PRKAR1B: variants seen among roughly 807,000 people sequenced by gnomAD.
PRKAR1B encodes cAMP-dependent protein kinase type I-beta regulatory subunit.
In PRKAR1B, 22 loss-of-function variants were observed where a neutral mutation model predicts 46.5. The observed-to-expected ratio is 0.47, with a 90% CI of 0.34 to 0.68. The LOEUF (loss-of-function observed/expected upper bound fraction) is 0.68. PRKAR1B is among the 30% of genes least tolerant of loss of function. The probability of loss-of-function intolerance (pLI) is 0.01; values close to 1 mark genes in which losing one functional copy is unlikely to be tolerated. For synonymous variants in PRKAR1B, 259 were observed against 217.7 expected, an observed-to-expected ratio of 1.19 and a Z score of -1.67; for missense variants, 445 against 535.6, an observed-to-expected ratio of 0.83 and a Z score of 1.67.
chr7:697,501 C>A (rs190682486), intron 2 of PRKAR1B, among the ~76,000 whole-genome samples: 1 of 152,134 alleles, frequency 6.6e-6, no homozygotes, highest in East Asian at 1.9e-4. Context: ...CACTGCGTGC[C>A]GGGCAGGCAT....
intron 6 of PRKAR1B, among the ~76,000 whole-genome samples, chr7:601,921 C>T (rs897695074): frequency 2.2e-5 from 3 of 134,470 alleles, no homozygotes; most frequent in Non-Finnish European, 4.9e-5. Flanking sequence ...CAGGGGGAGG[C>T]GCAGGGACGG....
At chr7:698,007 A>G (rs1583435331) in intron 2 of PRKAR1B, among the ~76,000 whole-genome samples, 1 of 58,154 alleles carries the variant, frequency 1.7e-5, no homozygotes, top group Admixed American at 2.0e-4. Flanking sequence ...AGGGGAGGGG[A>G]GGGGAGGGAA....
intron 1 of PRKAR1B, among the ~76,000 whole-genome samples, chr7:721,462 A>T (rs1197292340): frequency 6.6e-6 from 1 of 152,206 alleles, no homozygotes; most frequent in Admixed American, 6.5e-5. Context: ...CAGCCTGACC[A>T]ACACGGAGAA....
intron 4 of PRKAR1B, among the ~76,000 whole-genome samples, chr7:626,831 C>A (rs1285689647): frequency 6.6e-6 from 1 of 152,070 alleles, no homozygotes; most frequent in East Asian, 1.9e-4. Flanking sequence ...CCGCCTCAGC[C>A]TCTCAAGTAG....
At chr7:722,393 C>T (rs1293458060) in intron 1 of PRKAR1B, among the ~76,000 whole-genome samples, 2 of 151,244 alleles carry the variant, frequency 1.3e-5, no homozygotes, top group Non-Finnish European at 1.5e-5. Context: ...TAAGCCACTG[C>T]ACCTGGCTAA....
At chr7:562,694 C>T (rs1291933373) in intron 9 of PRKAR1B, among the ~76,000 whole-genome samples, 1 of 152,246 alleles carries the variant, frequency 6.6e-6, no homozygotes. Flanking sequence ...CTGTCACACA[C>T]AGATCACAAC....
intron 1 of PRKAR1B, among the ~76,000 whole-genome samples, chr7:717,630 C>T (rs1351415033): frequency 6.6e-6 from 1 of 152,184 alleles, no homozygotes; most frequent in Non-Finnish European, 1.5e-5. Context: ...TGCACTCCAG[C>T]CTGGGCAACA....
intron 4 of PRKAR1B, among the ~76,000 whole-genome samples, chr7:659,279 G>A (rs952455804): frequency 1.1e-4 from 17 of 152,178 alleles, no homozygotes; most frequent in African/African-American, 4.1e-4. Context: ...GGTAGGGGGT[G>A]GTCTGTGTTG....
intron 9 of PRKAR1B, among the ~76,000 whole-genome samples, chr7:553,905 T>C (rs773322683): frequency 3.9e-5 from 6 of 152,248 alleles, no homozygotes; most frequent in South Asian, 4.1e-4. Context: ...AGCTGATGGA[T>C]GAGCAGGACG....
At chr7:557,695 G>A (rs1021777685) in intron 9 of PRKAR1B, among the ~76,000 whole-genome samples, 5 of 152,180 alleles carry the variant, frequency 3.3e-5, no homozygotes, top group East Asian at 3.9e-4. Flanking sequence ...AGCTTGAGAC[G>A]CACCACGGTC....
At chr7:586,186 A>T (rs537830423) in intron 7 of PRKAR1B, among the ~76,000 whole-genome samples, 36 of 152,280 alleles carry the variant, frequency 2.4e-4, no homozygotes, top group Middle Eastern at 3.4e-3. Flanking sequence ...AGAGCGTGAG[A>T]AACAGCCGTG....
chr7:685,209 T>A (rs1235490901), intron 2 of PRKAR1B, among the ~76,000 whole-genome samples: 2 of 145,462 alleles, frequency 1.4e-5, no homozygotes, highest in Non-Finnish European at 3.0e-5. Context: ...TATATACATA[T>A]ATATAACATG....
At chr7:723,191 C>T (rs1781133202) in intron 1 of PRKAR1B, among the ~76,000 whole-genome samples, 1 of 152,218 alleles carries the variant, frequency 6.6e-6, no homozygotes, top group African/African-American at 2.4e-5. Flanking sequence ...TCCACTCGAA[C>T]CCCAGTTGCA....
chr7:594,040 G>A (rs1208217159), intron 7 of PRKAR1B, among the ~76,000 whole-genome samples: 2 of 152,116 alleles, frequency 1.3e-5, no homozygotes, highest in Non-Finnish European at 2.9e-5. Context: ...CCAATCAGAC[G>A]ACGCACTTCC....
chr7:646,267 C>G (rs988788559), intron 4 of PRKAR1B, among the ~76,000 whole-genome samples: 8 of 152,240 alleles, frequency 5.3e-5, no homozygotes, highest in Non-Finnish European at 1.2e-4. Flanking sequence ...TGGTCTCAAA[C>G]TCCTGGATTC....
intron 4 of PRKAR1B, among the ~76,000 whole-genome samples, chr7:642,039 G>A (rs1784416512): frequency 6.6e-6 from 1 of 151,944 alleles, no homozygotes; most frequent in Admixed American, 6.6e-5. Flanking sequence ...CAAGTGGCTG[G>A]GACTCCAGGC....
At chr7:707,307 G>A (rs1228133518) in intron 2 of PRKAR1B, among the ~76,000 whole-genome samples, 2 of 152,134 alleles carry the variant, frequency 1.3e-5, no homozygotes, top group African/African-American at 2.4e-5. Flanking sequence ...GCCCTGAGAC[G>A]CCACTCTTTT....
intron 2 of PRKAR1B, among the ~76,000 whole-genome samples, chr7:706,423 T>TTTTTTTTTTTTC (rs1780328673): frequency 5.8e-5 from 3 of 51,718 alleles, no homozygotes; most frequent in Non-Finnish European, 3.6e-5. Flanking sequence ...AAATAAGGAA[T>TTTTTTTTTTTTC]TTTTTTTTTT....
chr7:625,693 A>C (rs1783351562), intron 4 of PRKAR1B, among the ~76,000 whole-genome samples: 3 of 152,354 alleles, frequency 2.0e-5, no homozygotes, highest in South Asian at 2.1e-4. Flanking sequence ...ATGGACATTA[A>C]AAATAAAATA....
Sources: allele counts gnomAD v4.1 joint callset (sites outside exome capture counted in the v4.1 genomes callset), GRCh38; gene constraint gnomAD v4.1.1; transcripts MANE v1.5; gene names NCBI Gene and HGNC (gene_info 2026-07-23, HGNC 2026-07-21).